The following POLA2 variants were observed in gnomAD, a reference collection of about 807,000 sequenced individuals.
POLA2 encodes the protein DNA polymerase alpha 2, accessory subunit, also known as DNA polymerase alpha subunit B.
In POLA2, 47 loss-of-function variants were observed where a neutral mutation model predicts 82.8. The observed-to-expected ratio is 0.57, with a 90% CI of 0.45 to 0.72. The LOEUF is 0.72. Among genes scored for constraint, POLA2 ranks in the 30% least tolerant of loss-of-function variants. POLA2 has a pLI of 0.00. For synonymous variants in POLA2, 287 were observed against 286.8 expected, an observed-to-expected ratio of 1.00 and a Z score of -0.01; for missense variants, 634 against 728.1, an observed-to-expected ratio of 0.87 and a Z score of 1.49.
downstream of POLA2, among the ~76,000 whole-genome samples, chr11:65,301,136 G>C (rs1949857254): frequency 6.6e-6 from 1 of 152,084 alleles, no homozygotes; most frequent in Non-Finnish European, 1.5e-5. Flanking sequence ...TTAGATTTAC[G>C]AAGGAAGACA....
chr11:65,272,599 T>A (rs1309540985), intron 4 of POLA2, among the ~76,000 whole-genome samples: 1 of 152,216 alleles, frequency 6.6e-6, no homozygotes, highest in Non-Finnish European at 1.5e-5. Context: ...CAATTATATT[T>A]CTAGTAAATT....
At chr11:65,284,012 T>G (rs1239512732) in intron 10 of POLA2, among the ~76,000 whole-genome samples, 1 of 149,312 alleles carries the variant, frequency 6.7e-6, no homozygotes, top group Non-Finnish European at 1.5e-5. Flanking sequence ...CATGTGCCTG[T>G]GGTCCCAGCT....
chr11:65,275,782 A>C, intron 4 of POLA2, 110 bp from the exon 5 acceptor site: 1 of 519,396 alleles, frequency 1.9e-6, no homozygotes, highest in Non-Finnish European at 3.4e-6. Flanking sequence ...ACCCAGTCCT[A>C]TTTTGTGCCT....
intron 15 of POLA2, 108 bp from the exon 16 acceptor site, chr11:65,295,432 G>T (rs1036116235): frequency 1.2e-5 from 11 of 933,938 alleles, no homozygotes; most frequent in Non-Finnish European, 1.6e-5. Context: ...TTGTTGCTGT[G>T]CCTTGGCCAT....
At chr11:65,287,640 C>T in intron 10 of POLA2, 76 bp from the exon 11 acceptor site, 1 of 1,324,000 alleles carries the variant, frequency 7.6e-7, no homozygotes, top group Non-Finnish European at 1.1e-6. Flanking sequence ...TGTGGCATTT[C>T]CCATCATTGT....
At chr11:65,279,831 C>T (rs957308341) in intron 7 of POLA2, 28 of 530,278 alleles carry the variant, frequency 5.3e-5, no homozygotes, top group Non-Finnish European at 8.6e-5. Flanking sequence ...ATTTTCTTCC[C>T]ACTTGGATTA....
chr11:65,278,891 C>T lies in POLA2; in HGVS notation c.623C>T (p.Ser208Phe). The change falls in exon 6 of 18, where the codon TCC becomes TTC. Residue 208 changes from serine (S) to phenylalanine (F), a missense_variant. Ser to Phe is a radical substitution (Grantham distance 155, BLOSUM62 -2). Transcript: ENST00000265465. ...GAGGCACTAACTGGGAGCTACAAAT[C>T]CATGTTTCAGAAGCTCCCAGACATT... The part of the protein sequence containing the change: ...CPEALTGSYK[S>F]MFQKLPDIRE... 1 of 1,613,540 alleles carries T rather than the reference C, an allele frequency of 6.2e-7. No individual in the cohort carries two copies.
At chr11:65,305,748 G>A (rs1949884281), downstream of POLA2, among the ~76,000 whole-genome samples, 1 of 152,164 alleles carries the variant, frequency 6.6e-6, no homozygotes, top group African/African-American at 2.4e-5. Flanking sequence ...GTCCCTTCTG[G>A]GAATGTATTC....
intron 17 of POLA2, 40 bp downstream of exon 17, chr11:65,296,030 C>G: frequency 6.2e-7 from 1 of 1,613,122 alleles, no homozygotes; most frequent in Non-Finnish European, 8.5e-7. Flanking sequence ...ACACCAGAAC[C>G]CAGTCTTTGA....
At chr11:65,275,841 T>A (rs1426456220) in intron 4 of POLA2, 51 bp from the exon 5 acceptor site, 3 of 999,064 alleles carry the variant, frequency 3.0e-6, no homozygotes, top group Admixed American at 1.9e-5. Context: ...TACACTTAAT[T>A]AGTATTGGGT....
intron 4 of POLA2, among the ~76,000 whole-genome samples, chr11:65,272,769 TG>T (rs1299853414): frequency 1.3e-5 from 2 of 152,176 alleles, no homozygotes; most frequent in East Asian, 3.9e-4. Context: ...CCCAGCACTT[TG>T]GGAGGCTGAG....
intron 4 of POLA2, among the ~76,000 whole-genome samples, chr11:65,273,667 T>C (rs1387083655): frequency 6.6e-6 from 1 of 151,760 alleles, no homozygotes; most frequent in African/African-American, 2.4e-5. Flanking sequence ...TTTTTAATTA[T>C]AAAAAAAATA....
intron 7 of POLA2, 70 bp from the exon 8 acceptor site, chr11:65,280,922 C>G: frequency 1.3e-6 from 2 of 1,492,116 alleles, no homozygotes; most frequent in Non-Finnish European, 1.8e-6. Context: ...GCTATTCACC[C>G]TATCGACTTC....
intron 4 of POLA2, among the ~76,000 whole-genome samples, chr11:65,271,503 C>A (rs1347624359): frequency 1.3e-5 from 2 of 152,158 alleles, no homozygotes; most frequent in African/African-American, 2.4e-5. Context: ...ACTGAAATCC[C>A]ATATTTAGGA....
downstream of POLA2, among the ~76,000 whole-genome samples, chr11:65,299,158 C>T (rs995333452): frequency 1.1e-4 from 17 of 152,186 alleles, no homozygotes; most frequent in African/African-American, 3.4e-4. Context: ...GCTCTGGGGG[C>T]GTGTCAGTGA....
intron 4 of POLA2, among the ~76,000 whole-genome samples, chr11:65,269,858 G>A (rs1949503870): frequency 6.6e-6 from 1 of 152,154 alleles, no homozygotes; most frequent in East Asian, 1.9e-4. Context: ...TTTTGAGATG[G>A]AGTTTTCCTC....
chr11:65,276,790 CTTTT>C (rs1267118697), intron 5 of POLA2, among the ~76,000 whole-genome samples: 2 of 137,748 alleles, frequency 1.5e-5, no homozygotes, highest in Admixed American at 7.4e-5. Context: ...AACTCTATCA[CTTTT>C]TTTTTTTTTT....
In POLA2 at chr11:65,294,700, C is replaced by T. The variant is rs543808935; in HGVS notation, c.1460+48C>T. 3.7e-5 allele frequency: 49 copies of T among 1,306,714 alleles called. No individual in the cohort carries two copies. The South Asian group carries it at 5.2e-4, about 14-fold the overall frequency. 80.9% of individuals were successfully genotyped at this position (1,306,714 alleles called of 1,614,324 possible). A position where few individuals can be genotyped will look rare whatever the true frequency, so the allele number is the denominator to read the frequency against. On this transcript the variant is annotated intron_variant, in intron 15 of 17. Coordinates refer to ENST00000265465, the MANE Select transcript of POLA2 (RefSeq NM_002689.4). ...CAAGCAGGATGACTGGCTTTCTGGT[C>T]CCAGCCCTTTCTGCAGCCAAGAAAA...
Position 65,297,251 on chromosome 11 carries a change from G to A in POLA2, c.1779G>A (p.Val593=), listed in dbSNP as rs1949821564. 1.2e-6 allele frequency: 2 copies of A among 1,610,072 alleles called. No homozygotes were observed. Among genetic ancestry groups the A allele is most frequent in the Non-Finnish European group, 1.7e-6 (2 of 1,177,944 alleles). The change falls in exon 18 of 18, where the codon GTG becomes GTA. Residue 593 remains valine (V), a synonymous_variant. Transcript: ENST00000265465. ...GAERQSPCIA[V]QVVRI ...AGAGGCAGAGCCCATGCATTGCTGT[G>A]CAGGTCGTCAGGATCTGAGGCTTCT...
Sources: allele counts gnomAD v4.1 joint callset (sites outside exome capture counted in the v4.1 genomes callset), GRCh38; gene constraint gnomAD v4.1.1; transcripts MANE v1.5; gene names NCBI Gene and HGNC (gene_info 2026-07-23, HGNC 2026-07-21).